Variants in DUSP18 observed in about 807,000 individuals in gnomAD.
The protein encoded by DUSP18 is dual specificity phosphatase 18, also known as dual specificity protein phosphatase 18.
DUSP18 carries 4 observed loss-of-function variants against 6.3 expected under a neutral mutation model. The observed-to-expected ratio is 0.63, with a 90% CI of 0.31 to 1.45. The LOEUF (loss-of-function observed/expected upper bound fraction) is 1.45, where lower values mean the gene tolerates loss of function less well. DUSP18 is among the 40% of genes most tolerant of loss of function. The pLI is 0.07. For missense variants in DUSP18, 235 were observed against 247.7 expected (o/e 0.95, Z 0.34); for synonymous variants, 96 against 95.1 (o/e 1.01, Z -0.05).
At chr22:30,660,933 G>A (rs1368948229), downstream of DUSP18, among the ~76,000 whole-genome samples, 3 of 151,358 alleles carry the variant, frequency 2.0e-5, no homozygotes, top group African/African-American at 7.3e-5. Flanking sequence ...TCTGCCTCCC[G>A]GGTTCAAGTA....
chr22:30,661,507 G>A lies in DUSP18; in HGVS notation c.*1930C>T, dbSNP rs1417883519. ...CTTGTTGCCCAGGCTGGAGTGCAAT[G>A]GTGCAAGCTCGGCTCACTGCAACCT... On this transcript the variant is annotated 3_prime_UTR_variant, in exon 2 of 2. Transcript: ENST00000334679. 1.4e-5 allele frequency: 2 copies of A among 144,950 alleles called. No individual in the cohort carries two copies. 9.0% of individuals were successfully genotyped at this position (144,950 alleles called of 1,614,324 possible). A position where few individuals can be genotyped will look rare whatever the true frequency, so the allele number is the denominator to read the frequency against.
At chr22:30,653,078 C>T (rs1004627134) in intron 2 of DUSP18, among the ~76,000 whole-genome samples, 14 of 152,196 alleles carry the variant, frequency 9.2e-5, no homozygotes, top group African/African-American at 3.4e-4. Flanking sequence ...TGCATCCTCC[C>T]TAACCAAGTA....
rs2088335777 is a variant in DUSP18, at chr22:30,656,208, C to T, written c.*34-3911G>A. Among the ~76,000 whole-genome samples, 3 of 151,932 alleles carry T rather than the reference C, an allele frequency of 2.0e-5. No individual in the cohort carries two copies. In the South Asian group the frequency reaches 6.2e-4, roughly 32 times the overall value. The stretch of plus-strand genomic sequence containing the variant: ...CCCAGGCTGATCGCAAATTCCCAGG[C>T]TCAAGTGATCCTCCTGCCTCAGCCA... On this transcript the variant is annotated intron_variant, in intron 2 of 2. Coordinates refer to the DUSP18 transcript ENST00000404885.
rs1230588462 is a variant in DUSP18 at position 30,663,420 on chromosome 22, G to A, written c.*17C>T. 1 of 1,593,608 alleles carries A rather than the reference G, an allele frequency of 6.3e-7. No homozygotes were observed. The highest frequency in any genetic ancestry group is 1.3e-5 in the African/African-American group (1 of 74,780). On this transcript the variant is annotated 3_prime_UTR_variant, in exon 2 of 2. Coordinates refer to ENST00000334679, the MANE Select transcript of DUSP18 (RefSeq NM_152511.5). ...GATCTGTACCTCTGACTCCAATGCA[G>A]GGGCTCGTGGGATGGCTCACAGTGG...
At chr22:30,652,862 T>A (rs1160887563) in intron 2 of DUSP18, among the ~76,000 whole-genome samples, 1 of 152,238 alleles carries the variant, frequency 6.6e-6, no homozygotes, top group Admixed American at 6.5e-5. Context: ...TACAAGTCTA[T>A]TTAGTGTGAG....
At position 30,654,557 on chromosome 22, in the gene DUSP18, G is replaced by A. The variant is rs889953790; in HGVS notation, c.*34-2260C>T. 11 of 444,662 alleles carry A rather than the reference G, an allele frequency of 2.5e-5. No individual in the cohort carries two copies. In the East Asian group the frequency reaches 2.7e-4, roughly 11 times the overall value. The allele number at this position is 444,662 out of a possible 1,614,324, so 27.5% of individuals were successfully genotyped here. ...TTGGTCTCGCGGGGCAGCATGCCTC[G>A]GGGTCCGCCAGAAGATGCGGCTGGG... On this transcript the variant is annotated intron_variant, in intron 2 of 2. Transcript: ENST00000404885.
chr22:30,666,858 T>G (rs1483564906), intron 1 of DUSP18: 1 of 152,218 alleles, frequency 6.6e-6, no homozygotes, highest in Non-Finnish European at 1.5e-5. Context: ...AAGAGTTTTC[T>G]CAGGGCTTGG....
At chr22:30,666,554 G>A (rs577138234) in intron 1 of DUSP18, among the ~76,000 whole-genome samples, 19 of 149,118 alleles carry the variant, frequency 1.3e-4, no homozygotes, top group Non-Finnish European at 2.1e-4. Context: ...CCCGGGAGGC[G>A]GAGGCTGCAG....
At chr22:30,666,300 G>A (rs772457302) in intron 1 of DUSP18, among the ~76,000 whole-genome samples, 6 of 152,110 alleles carry the variant, frequency 3.9e-5, no homozygotes, top group African/African-American at 7.2e-5. Flanking sequence ...GTAGTGATGC[G>A]AGGAGTCATT....
At chr22:30,665,941 G>A (rs1410796030) in intron 1 of DUSP18, among the ~76,000 whole-genome samples, 1 of 151,824 alleles carries the variant, frequency 6.6e-6, no homozygotes. Flanking sequence ...GAGGGGCTGG[G>A]TGGGGATGGG....
At chr22:30,654,995 C>A (rs116987256) in intron 2 of DUSP18, among the ~76,000 whole-genome samples, 2,597 of 152,238 alleles carry the variant, frequency 0.017, 41 homozygotes, top group Non-Finnish European at 0.025. Flanking sequence ...ATAGAAAGAA[C>A]CAAGACGACC....
In DUSP18 at chr22:30,663,345, C is replaced by T; in HGVS notation, c.*92G>A. The T allele has an allele frequency of 7.6e-7, 1 of 1,315,946 alleles. No homozygotes were observed. Among genetic ancestry groups the T allele is most frequent in the South Asian group, 1.5e-5 (1 of 66,864 alleles). The allele number at this position is 1,315,946 out of a possible 1,614,324, so 81.5% of individuals were successfully genotyped here. The stretch of plus-strand genomic sequence containing the variant: ...AGGCATCATCTGTTTTTTTCTGTAT[C>T]AACAAAAGTAGAATGTTCAAGTTTG... On this transcript the variant is annotated 3_prime_UTR_variant, in exon 2 of 2. Coordinates refer to ENST00000334679, the MANE Select transcript of DUSP18 (RefSeq NM_152511.5).
intron 1 of DUSP18, among the ~76,000 whole-genome samples, chr22:30,666,443 AAACC>A (rs1279591774): frequency 2.2e-4 from 33 of 152,052 alleles, no homozygotes; most frequent in Non-Finnish European, 4.0e-4. Context: ...CAACATGGTG[AAACC>A]CCCGTCTCTA....
downstream of DUSP18, among the ~76,000 whole-genome samples, chr22:30,659,237 A>G (rs1385998850): frequency 6.6e-6 from 1 of 152,094 alleles, no homozygotes; most frequent in Non-Finnish European, 1.5e-5. Context: ...CTAAAACAAA[A>G]ACCTGACATT....
chr22:30,655,429 C>CTAAAAA (rs1389184839), intron 2 of DUSP18, among the ~76,000 whole-genome samples: 4 of 111,618 alleles, frequency 3.6e-5, no homozygotes, highest in Non-Finnish European at 1.8e-5. Context: ...GAGATCCTAC[C>CTAAAAA]AAAAAAAAAA....
rs753147447 is a variant in DUSP18, at chr22:30,663,602, G to T, written c.402C>A (p.Thr134=). ...AMSLLDAHTW[T]KSCRPIIRPN... is the part of the protein sequence containing the mutation. The stretch of plus-strand genomic sequence containing the variant: ...GTCGGATGATGGGCCGGCATGACTT[G>T]GTCCACGTGTGGGCGTCCAGCAGGG... The change falls in exon 2 of 2, where the codon ACC becomes ACA. Residue 134 remains threonine (T), a synonymous_variant. Coordinates refer to ENST00000334679, the MANE Select transcript of DUSP18 (RefSeq NM_152511.5). 32 of 1,614,112 alleles carry T rather than the reference G, an allele frequency of 2.0e-5. No individual in the cohort carries two copies. The East Asian group carries it at 6.9e-4, about 35-fold the overall frequency.
downstream of DUSP18, among the ~76,000 whole-genome samples, chr22:30,661,002 C>A (rs189196378): frequency 9.5e-4 from 145 of 152,246 alleles, no homozygotes; most frequent in African/African-American, 3.4e-3. Context: ...TGCCACTACG[C>A]CCTGCTTTCG....
In DUSP18 at chr22:30,663,337, T is replaced by C; in HGVS notation, c.*100A>G. ...CTCATAAAAGGCATCATCTGTTTTTTTCTGTATCAACAAAAGTAGAATGTT... is the reference window on the plus strand; with the variant it reads ...CTCATAAAAGGCATCATCTGTTTTTCTCTGTATCAACAAAAGTAGAATGTT... On this transcript the variant is annotated 3_prime_UTR_variant, in exon 2 of 2. Transcript: ENST00000334679. The C allele has an allele frequency of 8.0e-7, 1 of 1,246,874 alleles. No individual in the cohort carries two copies. The highest frequency in any genetic ancestry group is 1.1e-6 in the Non-Finnish European group (1 of 898,198). 77.2% of individuals were successfully genotyped at this position (1,246,874 alleles called of 1,614,324 possible).
chr22:30,660,244 T>C (rs769603007), downstream of DUSP18, among the ~76,000 whole-genome samples: 8 of 152,216 alleles, frequency 5.3e-5, no homozygotes, highest in Non-Finnish European at 1.2e-4. Context: ...ACTAAGTTTG[T>C]GGTAATTTGT....
Sources: allele counts gnomAD v4.1 joint callset (sites outside exome capture counted in the v4.1 genomes callset), GRCh38; gene constraint gnomAD v4.1.1; transcripts MANE v1.5; gene names NCBI Gene and HGNC (gene_info 2026-07-23, HGNC 2026-07-21).